Variants in PPEF2 observed in about 807,000 individuals in gnomAD.
The protein encoded by PPEF2 is protein phosphatase with EF-hand domain 2.
Under a neutral mutation model 84.7 loss-of-function variants are expected in PPEF2, and 84 were observed. The ratio of observed to expected loss-of-function variants is 0.99; its 90% CI spans 0.83 to 1.19. PPEF2 has a LOEUF of 1.19. Ranked by LOEUF, PPEF2 falls within the 50% of genes most tolerant of loss-of-function variation. PPEF2 has a pLI of 0.00. For synonymous variants in PPEF2, 346 were observed against 345.2 expected, an observed-to-expected ratio of 1.00 and a Z score of -0.03; for missense variants, 924 against 937.5, an observed-to-expected ratio of 0.99 and a Z score of 0.19.
At chr4:75,882,580 C>A (rs1042326701) in intron 10 of PPEF2, among the ~76,000 whole-genome samples, 1 of 149,924 alleles carries the variant, frequency 6.7e-6, no homozygotes, top group Non-Finnish European at 1.5e-5. Flanking sequence ...TGTGTCCCTG[C>A]AAGATGGAGT....
chr4:75,899,783 C>T (rs201578682), intron 1 of PPEF2, among the ~76,000 whole-genome samples: 4 of 151,816 alleles, frequency 2.6e-5, no homozygotes, highest in African/African-American at 4.8e-5. Flanking sequence ...TCCAAACCAA[C>T]AAAACTGCTC....
chr4:75,888,045 C>T (rs915826260), intron 6 of PPEF2, among the ~76,000 whole-genome samples, 169 bp downstream of exon 6: 2 of 152,198 alleles, frequency 1.3e-5, no homozygotes, highest in African/African-American at 4.8e-5. Flanking sequence ...GCACCACCAC[C>T]TCTTTTTTAG....
intron 15 of PPEF2, among the ~76,000 whole-genome samples, chr4:75,865,777 T>C (rs1472726528): frequency 6.6e-6 from 1 of 152,186 alleles, no homozygotes; most frequent in African/African-American, 2.4e-5. Context: ...AGGTTGCACA[T>C]ACGTTACATA....
intron 1 of PPEF2, among the ~76,000 whole-genome samples, chr4:75,899,628 C>T (rs1725077680): frequency 6.6e-6 from 1 of 152,086 alleles, no homozygotes; most frequent in Non-Finnish European, 1.5e-5. Context: ...AAAGTCTTAC[C>T]TTGCTTATGT....
rs549555910 is a variant in PPEF2, at chr4:75,875,979, T to C, written c.1320+308A>G. On this transcript the variant is annotated intron_variant, in intron 11 of 16. Coordinates refer to ENST00000286719, the MANE Select transcript of PPEF2 (RefSeq NM_006239.3). Reference sequence around the variant, plus strand: ...TTGGCCTTGAACTATGGCAGCTATATTACTGACACATTAAAAAAAATAGCA... The same window carrying C: ...TTGGCCTTGAACTATGGCAGCTATACTACTGACACATTAAAAAAAATAGCA... Among the ~76,000 whole-genome samples the C allele has an allele frequency of 1.0e-3, 156 of 152,276 alleles. 1 individual carries two copies. The highest frequency in any genetic ancestry group is 3.7e-3 in the African/African-American group (153 of 41,568).
At chr4:75,892,633 A>C (rs1317319500) in intron 2 of PPEF2, among the ~76,000 whole-genome samples, 2 of 152,170 alleles carry the variant, frequency 1.3e-5, no homozygotes, top group African/African-American at 2.4e-5. Context: ...ACAGGCTTTA[A>C]GCACCCCCGT....
At position 75,860,765 on chromosome 4, in the gene PPEF2, G is replaced by A. The variant is rs767675236; in HGVS notation, c.2164C>T (p.Arg722Cys). Reference protein sequence around the residue: ...IDINEFLEAFRLVEKSCPEGD... With the variant: ...IDINEFLEAFCLVEKSCPEGD... ...TCTGGGCAGGATTTCTCCACAAGGCGGAAGGCCTCCAGGAACTCATTGATA... is the reference window on the plus strand; with the variant it reads ...TCTGGGCAGGATTTCTCCACAAGGCAGAAGGCCTCCAGGAACTCATTGATA... Residue 722 changes from arginine to cysteine, a missense_variant, in exon 17 of 17, where the codon CGC (arginine) becomes TGC (cysteine). By Grantham distance (180) the Arg-to-Cys change is radical. Coordinates refer to ENST00000286719, the MANE Select transcript of PPEF2 (RefSeq NM_006239.3). 41 of 1,614,108 alleles carry A rather than the reference G, an allele frequency of 2.5e-5. No individual in the cohort carries two copies. Among genetic ancestry groups the A allele is most frequent in the Middle Eastern group, 1.6e-4 (1 of 6,084 alleles).
At chr4:75,862,310 A>C (rs911004004) in intron 16 of PPEF2, among the ~76,000 whole-genome samples, 157 of 149,614 alleles carry the variant, frequency 1.0e-3, no homozygotes, top group African/African-American at 3.8e-3. Context: ...AAAAAAAAAA[A>C]AAAAAAAAAA....
chr4:75,881,039 A>T (rs2149221070), intron 10 of PPEF2, among the ~76,000 whole-genome samples: 1 of 151,042 alleles, frequency 6.6e-6, no homozygotes, highest in South Asian at 2.1e-4. Flanking sequence ...TGACCTCGTG[A>T]TCCACCCATC....
chr4:75,889,862 C>T, intron 5 of PPEF2, 95 bp downstream of exon 5: 1 of 1,406,732 alleles, frequency 7.1e-7, no homozygotes, highest in Admixed American at 1.7e-5. Context: ...ACATGAACAC[C>T]CTAAATCTGG....
chr4:75,900,203 G>T (rs1725089491), intron 1 of PPEF2, among the ~76,000 whole-genome samples: 1 of 152,132 alleles, frequency 6.6e-6, no homozygotes. Flanking sequence ...CTGGGTCAAA[G>T]ATTTTTATTA....
At chr4:75,884,313 G>A (rs762015415) in intron 8 of PPEF2, among the ~76,000 whole-genome samples, 5 of 151,066 alleles carry the variant, frequency 3.3e-5, no homozygotes, top group Admixed American at 2.0e-4. Context: ...CTGTAATCCT[G>A]GCTACTCGGG....
intron 10 of PPEF2, among the ~76,000 whole-genome samples, chr4:75,880,561 G>C (rs1724542263): frequency 6.6e-6 from 1 of 152,138 alleles, no homozygotes; most frequent in African/African-American, 2.4e-5. Context: ...AATTAAATAT[G>C]ATTCTTCCCA....
intron 1 of PPEF2, among the ~76,000 whole-genome samples, chr4:75,896,995 A>AC (rs1257365515): frequency 6.6e-6 from 1 of 150,644 alleles, no homozygotes; most frequent in African/African-American, 2.4e-5. Context: ...CGCCATTCTC[A>AC]CCCCCTCAGC....
chr4:75,886,288 T>G (rs908637842), intron 7 of PPEF2, among the ~76,000 whole-genome samples: 31 of 152,154 alleles, frequency 2.0e-4, no homozygotes, highest in African/African-American at 7.2e-4. Context: ...GCCAGTCTCC[T>G]GCCATCCCCG....
chr4:75,900,619 G>C (rs374656792), intron 1 of PPEF2, among the ~76,000 whole-genome samples: 102 of 152,274 alleles, frequency 6.7e-4, no homozygotes, highest in African/African-American at 2.2e-3. Flanking sequence ...AGGGTTGTTA[G>C]GAGTGTGAAG....
At position 75,891,648 on chromosome 4, in the gene PPEF2, T is replaced by G; in HGVS notation, c.241A>C (p.Arg81=). The G allele has an allele frequency of 6.2e-7, 1 of 1,607,642 alleles. No homozygotes were observed. Among genetic ancestry groups the G allele is most frequent in the Middle Eastern group, 1.7e-4 (1 of 6,004 alleles). ...ATGACATGTGGCAGTTCATACTCACTGTCGTTGTGGCTGCTGGGGATGAAG... is the reference window on the plus strand; with the variant it reads ...ATGACATGTGGCAGTTCATACTCACGGTCGTTGTGGCTGCTGGGGATGAAG... ...DHFIPSSHND[R]DFLTRIFTED... Residue 81 remains arginine (R), a splice_region_variant and synonymous_variant, in exon 4 of 17, where the codon AGG becomes CGG. Transcript: ENST00000286719.
At chr4:75,889,400 C>G (rs1352850266) in intron 5 of PPEF2, among the ~76,000 whole-genome samples, 1 of 152,148 alleles carries the variant, frequency 6.6e-6, no homozygotes, top group South Asian at 2.1e-4. Context: ...CAGGGCTTTT[C>G]CATGTGTTCC....
At chr4:75,871,989 T>C in intron 13 of PPEF2, 36 bp downstream of exon 13, 1 of 1,542,462 alleles carries the variant, frequency 6.5e-7, no homozygotes. Context: ...ACACTATAAT[T>C]TTTTTTTCTG....
Sources: gnomAD v4.1 joint callset for allele counts (sites outside exome capture counted in the v4.1 genomes callset) on GRCh38, gnomAD v4.1.1 for gene constraint, MANE v1.5 for transcripts, NCBI Gene and HGNC (gene_info 2026-07-23, HGNC 2026-07-21) for gene names.